MRPL4: variants seen among roughly 807,000 people sequenced by gnomAD.
MRPL4 encodes the protein large ribosomal subunit protein uL4m.
Under a neutral mutation model 34.1 loss-of-function variants are expected in MRPL4, and 34 were observed. The ratio of observed to expected loss-of-function variants is 1.00; its 90% CI spans 0.76 to 1.33. The LOEUF (loss-of-function observed/expected upper bound fraction) is 1.33, where lower values mean the gene tolerates loss of function less well. Ranked by LOEUF, MRPL4 falls within the 40% of genes most tolerant of loss-of-function variation. MRPL4 has a pLI of 0.00. For synonymous variants in MRPL4, 196 were observed against 188.3 expected (o/e 1.04, Z -0.33); for missense variants, 402 against 434.6 (o/e 0.92, Z 0.67).
chr19:10,256,569 C>T (rs1239232362), intron 4 of MRPL4, 139 bp from the exon 5 acceptor site: 16 of 659,542 alleles, frequency 2.4e-5, no homozygotes, highest in Middle Eastern at 5.2e-4. Flanking sequence ...CCCCCTCGCT[C>T]CCCAAGTACT....
At chr19:10,259,414 A>C (rs2039887521) in intron 8 of MRPL4, 3 of 1,407,810 alleles carry the variant, frequency 2.1e-6, no homozygotes, top group Non-Finnish European at 2.8e-6. Flanking sequence ...GCAGGTGATG[A>C]GCTGGGAGCA....
rs769307053 is a variant in MRPL4 at position 10,259,656 on chromosome 19, TC to T, written c.781del (p.Leu261Ter). 7 of 1,524,332 alleles carry T rather than the reference TC, an allele frequency of 4.6e-6. No homozygotes were observed. The highest frequency in any genetic ancestry group is 6.2e-6 in the Non-Finnish European group (7 of 1,129,500). The allele number at this position is 1,524,332 out of a possible 1,614,324, so 94.4% of individuals were successfully genotyped here. On this transcript the variant is annotated frameshift_variant, in exon 9 of 9. Coordinates refer to ENST00000253099, the MANE Select transcript of MRPL4 (RefSeq NM_015956.3). LOFTEE classifies it low-confidence loss of function (END_TRUNC). ...VHSMLKHQTL[V>X]LTLPTVAFLE... ...AGCATGCTCAAGCACCAGACGCTGG[TC>T]CTGACGCTGCCCACCGTCGCCTTCC...
chr19:10,259,279 C>T (rs1361871593), intron 8 of MRPL4: 7 of 1,363,314 alleles, frequency 5.1e-6, no homozygotes, highest in African/African-American at 1.5e-5. Context: ...CAGGGTGGCA[C>T]GTCAGGCCCT....
chr19:10,258,089 G>A, intron 5 of MRPL4, 133 bp from the exon 6 acceptor site: 1 of 636,782 alleles, frequency 1.6e-6, no homozygotes, highest in Non-Finnish European at 2.7e-6. Flanking sequence ...AGCCTCCCCT[G>A]AGGCCCCACC....
At position 10,259,951 on chromosome 19, in the gene MRPL4, G is replaced by A. The variant is rs573389868; in HGVS notation, c.*138G>A. ...GCTGAGGCCACAGGGAGCGGCCATC[G>A]CCATTGGGAAGGGGCGACTCCACGG... On this transcript the variant is annotated 3_prime_UTR_variant, in exon 9 of 9. Coordinates refer to ENST00000253099, the MANE Select transcript of MRPL4 (RefSeq NM_015956.3). The A allele has an allele frequency of 2.6e-5, 19 of 730,188 alleles. No individual in the cohort carries two copies. The highest frequency in any genetic ancestry group is 3.6e-5 in the Non-Finnish European group (17 of 477,686). 45.2% of individuals were successfully genotyped at this position (730,188 alleles called of 1,614,324 possible). A position where few individuals can be genotyped will look rare whatever the true frequency, so the allele number is the denominator to read the frequency against.
In MRPL4 at chr19:10,254,454, A is replaced by C. The variant is rs929385139; in HGVS notation, c.276-135A>C. ...GCCAAGGCCCTGAGGCAGAATTTCAAGATGGGGTCAGTGAGGGGCAGAGGC... is the reference window on the plus strand; with the variant it reads ...GCCAAGGCCCTGAGGCAGAATTTCACGATGGGGTCAGTGAGGGGCAGAGGC... On this transcript the variant is annotated intron_variant, in intron 3 of 8. Coordinates refer to ENST00000253099, the MANE Select transcript of MRPL4 (RefSeq NM_015956.3). 3.3e-6 allele frequency: 3 copies of C among 920,472 alleles called. No homozygotes were observed. In the African/African-American group the frequency reaches 5.0e-5, roughly 15 times the overall value. 57.0% of individuals were successfully genotyped at this position (920,472 alleles called of 1,614,324 possible).
chr19:10,256,147 G>A (rs2039849222), intron 4 of MRPL4, among the ~76,000 whole-genome samples: 2 of 152,134 alleles, frequency 1.3e-5, no homozygotes, highest in Admixed American at 6.6e-5. Context: ...TTAGTTGGGT[G>A]TGGCAGCGGG....
intron 4 of MRPL4, 25 bp downstream of exon 4, chr19:10,254,665 G>A: frequency 1.2e-6 from 2 of 1,613,592 alleles, no homozygotes; most frequent in Middle Eastern, 1.7e-4. Context: ...GGAGCAAGGT[G>A]GTGGGAAGGA....
chr19:10,255,097 C>T (rs919486027), intron 4 of MRPL4: 2 of 155,378 alleles, frequency 1.3e-5, no homozygotes, highest in Admixed American at 1.3e-4. Context: ...AGCCACCGTG[C>T]CCAGCTCATT....
Position 10,258,222 on chromosome 19 carries a change from G to T in MRPL4, c.446G>T (p.Gly149Val). The T allele has an allele frequency of 6.2e-7, 1 of 1,611,592 alleles. No homozygotes were observed. The highest frequency in any genetic ancestry group is 8.5e-7 in the Non-Finnish European group (1 of 1,177,952). ...GSIRSPLWRGGGVAHGPRGPT... is the reference protein window; with the variant it reads ...GSIRSPLWRGVGVAHGPRGPT... The stretch of plus-strand genomic sequence containing the variant: ...TGCTCACATGCCTCTGTCCCCGCAG[G>T]AGGTGTTGCCCATGGCCCCCGGGGC... The change falls in exon 6 of 9, where the codon GGA becomes GTA. Residue 149 changes from glycine (G) to valine (V), a missense_variant and splice_region_variant. Gly to Val is a moderately radical substitution (Grantham distance 109, BLOSUM62 -3). Coordinates refer to ENST00000253099, the MANE Select transcript of MRPL4 (RefSeq NM_015956.3).
At position 10,252,442 on chromosome 19, in the gene MRPL4, C is replaced by G; in HGVS notation, c.103C>G (p.Pro35Ala). 6.2e-7 allele frequency: 1 copy of G among 1,614,070 alleles called. No individual in the cohort carries two copies. The change falls in exon 2 of 9, where the codon CCG becomes GCG. Residue 35 changes from proline (P) to alanine (A), a missense_variant. By Grantham distance (27) the Pro-to-Ala change is conservative. Transcript: ENST00000253099. ...AEEAARATENPEQVASEGLPE... is the reference protein window; with the variant it reads ...AEEAARATENAEQVASEGLPE... ...AGAGGCAGCGCGTGCGACCGAGAAC[C>G]CGGAGCAGGTGGCGAGCGAGGGTAA...
At chr19:10,259,509 C>T in intron 8 of MRPL4, 108 bp from the exon 9 acceptor site, 8 of 1,504,980 alleles carry the variant, frequency 5.3e-6, no homozygotes, top group Non-Finnish European at 3.5e-6. Flanking sequence ...CACACTAGAC[C>T]ACAGTGACGA....
chr19:10,256,859 T>TG (rs758129834), intron 5 of MRPL4, 34 bp downstream of exon 5: 121 of 74,552 alleles, frequency 1.6e-3, no homozygotes, highest in South Asian at 0.01. Context: ...CGGGGAGGGG[T>TG]GGGGGGGCCA....
chr19:10,256,589 G>A (rs1267341110), intron 4 of MRPL4, 119 bp from the exon 5 acceptor site: 1 of 780,594 alleles, frequency 1.3e-6, no homozygotes, highest in African/African-American at 1.8e-5. Flanking sequence ...TCTGTGCTTG[G>A]CCAGAGAGAG....
intron 3 of MRPL4, chr19:10,252,934 G>A: frequency 1.7e-6 from 1 of 578,640 alleles, no homozygotes; most frequent in East Asian, 3.0e-5. Context: ...TCTGGAGCCC[G>A]ACTGATTAGG....
chr19:10,257,378 C>T (rs537325674), intron 5 of MRPL4, among the ~76,000 whole-genome samples: 30 of 152,272 alleles, frequency 2.0e-4, no homozygotes, highest in Non-Finnish European at 3.4e-4. Flanking sequence ...CACCCCATCA[C>T]CTGTTTACCT....
intron 8 of MRPL4, chr19:10,259,402 C>G: frequency 7.1e-7 from 1 of 1,406,192 alleles, no homozygotes; most frequent in Non-Finnish European, 9.2e-7. Context: ...GGCTCTCGGT[C>G]AGCAGGTGAT....
intron 4 of MRPL4, among the ~76,000 whole-genome samples, chr19:10,256,486 C>T (rs1440713082): frequency 1.3e-5 from 2 of 152,154 alleles, no homozygotes; most frequent in Non-Finnish European, 2.9e-5. Flanking sequence ...CCGAGCACCC[C>T]CTGCGTGCCC....
intron 8 of MRPL4, chr19:10,259,176 A>T: frequency 7.8e-7 from 1 of 1,275,734 alleles, no homozygotes; most frequent in South Asian, 2.7e-5. Context: ...CCACAGCCAC[A>T]AGATGGCGAC....
Sources: allele counts gnomAD v4.1 joint callset (sites outside exome capture counted in the v4.1 genomes callset), GRCh38; gene constraint gnomAD v4.1.1; transcripts MANE v1.5; gene names NCBI Gene and HGNC (gene_info 2026-07-23, HGNC 2026-07-21).